Variants in RAPGEF5 observed in about 807,000 individuals in gnomAD.
RAPGEF5 encodes Rap guanine nucleotide exchange factor 5.
In RAPGEF5, 65 loss-of-function variants were observed where a neutral mutation model predicts 125.2. That is an observed-to-expected ratio of 0.52 (90% confidence interval 0.43 to 0.64). The LOEUF (loss-of-function observed/expected upper bound fraction) is 0.64. RAPGEF5 is among the 30% of genes least tolerant of loss of function. The probability of loss-of-function intolerance (pLI) is 0.00; values close to 1 mark genes in which losing one functional copy is unlikely to be tolerated. For missense variants in RAPGEF5, 958 were observed against 1,048.1 expected (o/e 0.91, Z 1.19); for synonymous variants, 391 against 385.9 (o/e 1.01, Z -0.16).
chr7:22,150,719 A>C (rs532952006), intron 17 of RAPGEF5, among the ~76,000 whole-genome samples: 1 of 152,324 alleles, frequency 6.6e-6, no homozygotes, highest in East Asian at 1.9e-4. Flanking sequence ...CAGAAAGTGG[A>C]GTCCTCTTGC....
intron 11 of RAPGEF5, among the ~76,000 whole-genome samples, chr7:22,184,143 T>C (rs1274499704): frequency 6.6e-6 from 1 of 152,206 alleles, no homozygotes; most frequent in Non-Finnish European, 1.5e-5. Context: ...TAGTTAAATA[T>C]TACAAGTTAA....
In RAPGEF5 at chr7:22,213,806, T is replaced by C. The variant is rs112720889; in HGVS notation, c.996+6060A>G. On this transcript the variant is annotated intron_variant, in intron 9 of 25. Coordinates refer to ENST00000665637, the MANE Select transcript of RAPGEF5 (RefSeq NM_012294.5). The stretch of plus-strand genomic sequence containing the variant: ...AGTTCTACTTCTCTTTAGTAAGTAG[T>C]TTCTTGGTTAAACTAAATTACTGAT... Among the ~76,000 whole-genome samples the C allele has an allele frequency of 8.9e-4, 136 of 152,334 alleles. 2 individuals carry two copies. The Middle Eastern group carries it at 0.014, about 15-fold the overall frequency.
chr7:22,303,328 T>G (rs907253319), intron 5 of RAPGEF5, among the ~76,000 whole-genome samples: 16 of 152,248 alleles, frequency 1.1e-4, no homozygotes, highest in Non-Finnish European at 2.2e-4. Context: ...TTCAGTCACT[T>G]TTTTTTTCTA....
chr7:22,169,816 T>C (rs1028395238), intron 11 of RAPGEF5, among the ~76,000 whole-genome samples: 1 of 116,608 alleles, frequency 8.6e-6, no homozygotes, highest in Non-Finnish European at 1.6e-5. Context: ...GCCAAGATCA[T>C]GTCACTGCCC....
intron 23 of RAPGEF5, among the ~76,000 whole-genome samples, chr7:22,132,370 TTTC>T (rs1481527556): frequency 3.0e-5 from 2 of 66,174 alleles, no homozygotes; most frequent in African/African-American, 9.4e-5. Context: ...CTTCTTTTCC[TTTC>T]CTCTCTTTTT....
At chr7:22,319,852 T>TAA (rs369691074) in intron 1 of RAPGEF5, among the ~76,000 whole-genome samples, 1 of 139,620 alleles carries the variant, frequency 7.2e-6, no homozygotes, top group African/African-American at 2.6e-5. Context: ...AAACAAGGTC[T>TAA]AAAAAAAAAA....
intron 1 of RAPGEF5, among the ~76,000 whole-genome samples, chr7:22,339,432 A>T (rs1019824732): frequency 4.6e-5 from 7 of 152,172 alleles, no homozygotes; most frequent in African/African-American, 1.4e-4. Flanking sequence ...AAAATGTTTT[A>T]GTAAGAAAGA....
intron 5 of RAPGEF5, among the ~76,000 whole-genome samples, chr7:22,296,381 A>C (rs1466492332): frequency 6.6e-6 from 1 of 152,146 alleles, no homozygotes; most frequent in Non-Finnish European, 1.5e-5. Flanking sequence ...GTCAGTCAGG[A>C]GGCAGAGGAC....
At chr7:22,213,551 A>G (rs1785558942) in intron 9 of RAPGEF5, among the ~76,000 whole-genome samples, 1 of 152,216 alleles carries the variant, frequency 6.6e-6, no homozygotes, top group Non-Finnish European at 1.5e-5. Flanking sequence ...CTCTGTGGCC[A>G]TATTATTCCC....
intron 7 of RAPGEF5, among the ~76,000 whole-genome samples, chr7:22,231,895 G>C (rs146816207): frequency 1.3e-3 from 202 of 152,294 alleles, no homozygotes; most frequent in African/African-American, 3.8e-3. Flanking sequence ...TTTAAATTGG[G>C]AAGTGCATGA....
intron 6 of RAPGEF5, among the ~76,000 whole-genome samples, chr7:22,273,178 T>G (rs909132886): frequency 6.6e-6 from 1 of 151,788 alleles, no homozygotes; most frequent in Non-Finnish European, 1.5e-5. Context: ...AATGTATCTA[T>G]CCTTACTCAT....
chr7:22,154,746 T>G, intron 16 of RAPGEF5, 142 bp from the exon 17 acceptor site: 1 of 723,444 alleles, frequency 1.4e-6, no homozygotes, highest in Non-Finnish European at 2.0e-6. Flanking sequence ...CAGAGTTAGA[T>G]TTTTTATATA....
chr7:22,325,162 C>T (rs892250465), intron 1 of RAPGEF5, among the ~76,000 whole-genome samples: 15 of 152,206 alleles, frequency 9.9e-5, no homozygotes, highest in African/African-American at 1.7e-4. Flanking sequence ...TCTCTTCCCC[C>T]AAACATTCTA....
At chr7:22,160,697 C>T in intron 13 of RAPGEF5, 82 bp from the exon 14 acceptor site, 2 of 1,395,132 alleles carry the variant, frequency 1.4e-6, no homozygotes, top group South Asian at 1.7e-5. Flanking sequence ...GCTATCCTAA[C>T]ACAGGAAATA....
intron 8 of RAPGEF5, among the ~76,000 whole-genome samples, chr7:22,221,067 T>C (rs2128132793): frequency 6.6e-6 from 1 of 152,332 alleles, no homozygotes; most frequent in South Asian, 2.1e-4. Context: ...CAGTGGTATC[T>C]CTTTATCTAG....
intron 8 of RAPGEF5, among the ~76,000 whole-genome samples, chr7:22,229,141 C>T (rs17711814): frequency 0.2 from 29,900 of 151,980 alleles, 3,279 homozygotes; most frequent in South Asian, 0.27. Flanking sequence ...GCAGGTAAAC[C>T]CAACTCTAAA....
intron 11 of RAPGEF5, among the ~76,000 whole-genome samples, chr7:22,187,231 T>C (rs1784852576): frequency 6.6e-6 from 1 of 152,212 alleles, no homozygotes. Context: ...TAAAATTCTA[T>C]GGTTCTGTAA....
intron 9 of RAPGEF5, among the ~76,000 whole-genome samples, chr7:22,209,797 A>G (rs1785470096): frequency 6.6e-6 from 1 of 152,210 alleles, no homozygotes; most frequent in Non-Finnish European, 1.5e-5. Flanking sequence ...TAACTTCAGG[A>G]ACACAAAGAG....
intron 1 of RAPGEF5, among the ~76,000 whole-genome samples, chr7:22,354,931 T>C (rs1457525102): frequency 6.6e-6 from 1 of 152,264 alleles, no homozygotes; most frequent in Non-Finnish European, 1.5e-5. Context: ...GACAAGTTCA[T>C]ATTTCACTTG....
Sources: allele counts gnomAD v4.1 joint callset (sites outside exome capture counted in the v4.1 genomes callset), GRCh38; gene constraint gnomAD v4.1.1; transcripts MANE v1.5; gene names NCBI Gene and HGNC (gene_info 2026-07-23, HGNC 2026-07-21).